The following IGF2BP3 variants were observed in gnomAD, a reference collection of about 807,000 sequenced individuals.
IGF2BP3 encodes insulin-like growth factor 2 mRNA-binding protein 3.
A neutral mutation model predicts 73.8 loss-of-function variants in IGF2BP3; 9 were observed. The ratio of observed to expected loss-of-function variants is 0.12; its 90% CI spans 0.07 to 0.21. The LOEUF (loss-of-function observed/expected upper bound fraction) is 0.21, where lower values mean the gene tolerates loss of function less well. IGF2BP3 is among the 10% of genes least tolerant of loss of function. IGF2BP3 has a pLI of 1.00. For synonymous variants in IGF2BP3, 258 were observed against 256.7 expected (o/e 1.01, Z -0.05); for missense variants, 542 against 714.0 (o/e 0.76, Z 2.75).
chr7:23,427,501 T>A (rs938556660), intron 2 of IGF2BP3, among the ~76,000 whole-genome samples: 1 of 152,126 alleles, frequency 6.6e-6, no homozygotes. Flanking sequence ...ATCCCAGCAC[T>A]TTGGGAGACC....
intron 2 of IGF2BP3, among the ~76,000 whole-genome samples, chr7:23,436,698 C>T (rs1174673023): frequency 2.6e-5 from 4 of 152,126 alleles, no homozygotes; most frequent in African/African-American, 9.7e-5. Context: ...ATTAGTATTT[C>T]CTATACCACA....
At chr7:23,314,622 A>C (rs911051021) in intron 12 of IGF2BP3, among the ~76,000 whole-genome samples, 1 of 151,980 alleles carries the variant, frequency 6.6e-6, no homozygotes, top group Non-Finnish European at 1.5e-5. Context: ...TTTTTTGAGC[A>C]AAAGAGACAG....
intron 8 of IGF2BP3, among the ~76,000 whole-genome samples, chr7:23,344,384 T>C (rs1286798339): frequency 6.6e-6 from 1 of 152,226 alleles, no homozygotes; most frequent in East Asian, 1.9e-4. Flanking sequence ...CTAAACTTAG[T>C]TTTTACCAGT....
chr7:23,404,174 C>T (rs1165429803), intron 3 of IGF2BP3, among the ~76,000 whole-genome samples: 1 of 151,368 alleles, frequency 6.6e-6, no homozygotes, highest in Non-Finnish European at 1.5e-5. Flanking sequence ...TCGCATATTG[C>T]TCTGCTCATA....
intron 3 of IGF2BP3, among the ~76,000 whole-genome samples, chr7:23,398,587 T>C (rs1009482373): frequency 6.6e-5 from 10 of 152,252 alleles, no homozygotes; most frequent in African/African-American, 2.4e-4. Flanking sequence ...GCTTCCTGAC[T>C]TTTTAATGAT....
At position 23,342,077 on chromosome 7, in the gene IGF2BP3, T is replaced by C; in HGVS notation, c.1190A>G (p.Tyr397Cys). 6.3e-7 allele frequency: 1 copy of C among 1,581,662 alleles called. No individual in the cohort carries two copies. The highest frequency in any genetic ancestry group is 8.6e-7 in the Non-Finnish European group (1 of 1,169,482). Reference protein sequence around the residue: ...SGPPSAMTPPYPQFEQSETET... With the variant: ...SGPPSAMTPPCPQFEQSETET... ...CAGTTATCTTACCTCAAACTGCGGG[T>C]AGGGAGGAGTCATGGCTGAAGGGGG... is the stretch of plus-strand genomic sequence containing the variant. The change falls in exon 10 of 15, where the codon TAC (tyrosine) becomes TGC (cysteine). Residue 397 changes from tyrosine to cysteine, a missense_variant. By Grantham distance (194) the Tyr-to-Cys change is radical (BLOSUM62 -2). Coordinates refer to ENST00000258729, the MANE Select transcript of IGF2BP3 (RefSeq NM_006547.3).
intron 3 of IGF2BP3, among the ~76,000 whole-genome samples, chr7:23,411,251 A>G (rs927197125): frequency 1.3e-5 from 2 of 152,176 alleles, no homozygotes; most frequent in Admixed American, 6.5e-5. Context: ...GAGTTAAAGC[A>G]CCTCATGGTG....
intron 2 of IGF2BP3, among the ~76,000 whole-genome samples, chr7:23,444,440 C>T (rs1788007570): frequency 1.3e-5 from 2 of 152,008 alleles, no homozygotes; most frequent in Admixed American, 1.3e-4. Context: ...TTCCAAAGAA[C>T]CTTTAAAATT....
At chr7:23,383,453 G>A (rs1390163216) in intron 3 of IGF2BP3, among the ~76,000 whole-genome samples, 1 of 152,152 alleles carries the variant, frequency 6.6e-6, no homozygotes, top group Non-Finnish European at 1.5e-5. Flanking sequence ...ACACCCAGTA[G>A]GCTATAATCA....
rs375934971 is a variant in IGF2BP3 at position 23,321,362 on chromosome 7, G to A, written c.1204-2108C>T. ...TCCCACATGAATACTGCGCTTTTCC[G>A]ACGGGCTTAAAAAACGGCACACCAG... is the stretch of plus-strand genomic sequence containing the variant. On this transcript the variant is annotated intron_variant, in intron 10 of 14. Transcript: ENST00000258729. 2.3e-4 allele frequency among the ~76,000 whole-genome samples: 35 copies of A among 152,146 alleles called. 1 individual carries two copies. The highest frequency in any genetic ancestry group is 4.1e-4 in the South Asian group (2 of 4,822).
At chr7:23,449,807 T>C (rs887367390) in intron 2 of IGF2BP3, among the ~76,000 whole-genome samples, 1 of 151,980 alleles carries the variant, frequency 6.6e-6, no homozygotes, top group African/African-American at 2.4e-5. Context: ...AAGTGATCCA[T>C]GTGGCTACCT....
chr7:23,407,583 G>C (rs540514748), intron 3 of IGF2BP3, among the ~76,000 whole-genome samples: 175 of 148,752 alleles, frequency 1.2e-3, no homozygotes, highest in African/African-American at 4.2e-3. Flanking sequence ...ACTCCGGCCT[G>C]GGCAACAAAA....
intron 11 of IGF2BP3, 49 bp from the exon 12 acceptor site, chr7:23,317,762 A>G (rs1784031262): frequency 6.7e-7 from 1 of 1,495,448 alleles, no homozygotes; most frequent in Non-Finnish European, 9.3e-7. Context: ...TATCACTGAT[A>G]GGCATCTTGG....
At chr7:23,363,219 G>C (rs747007187) in intron 3 of IGF2BP3, among the ~76,000 whole-genome samples, 39 of 152,266 alleles carry the variant, frequency 2.6e-4, no homozygotes, top group Middle Eastern at 3.4e-3. Context: ...TTTCCAGTTT[G>C]AAACATATAA....
Position 23,388,607 on chromosome 7 carries a change from C to CTTT in IGF2BP3, c.286-26869_286-26867dup, listed in dbSNP as rs35723715. 2.3e-4 allele frequency among the ~76,000 whole-genome samples: 29 copies of CTTT among 124,014 alleles called. 1 individual carries two copies. The highest frequency in any genetic ancestry group is 1.7e-3 in the East Asian group (7 of 4,084). The allele number at this position is 124,014 out of a possible 152,430, so 81.4% of individuals were successfully genotyped here. ...TATGCAGATGAGTGGTCTTCTCCATCTTTTTTTTTTTTTTTTTTTTTCCAG... is the reference window on the plus strand; with the variant it reads ...TATGCAGATGAGTGGTCTTCTCCATCTTTTTTTTTTTTTTTTTTTTTTTTCCAG... On this transcript the variant is annotated intron_variant, in intron 3 of 14. Coordinates refer to ENST00000258729, the MANE Select transcript of IGF2BP3 (RefSeq NM_006547.3).
intron 2 of IGF2BP3, among the ~76,000 whole-genome samples, chr7:23,430,304 C>T (rs985709541): frequency 2.6e-5 from 4 of 152,158 alleles, no homozygotes; most frequent in Non-Finnish European, 5.9e-5. Flanking sequence ...AGGCTGGTCT[C>T]GAACTCCTGA....
At chr7:23,327,172 A>G (rs1231498515) in intron 10 of IGF2BP3, among the ~76,000 whole-genome samples, 2 of 152,108 alleles carry the variant, frequency 1.3e-5, no homozygotes, top group Non-Finnish European at 2.9e-5. Flanking sequence ...CTTGAATCTT[A>G]GATTCCTATT....
chr7:23,385,919 T>G (rs925944292), intron 3 of IGF2BP3, among the ~76,000 whole-genome samples: 2 of 152,170 alleles, frequency 1.3e-5, no homozygotes, highest in Admixed American at 1.3e-4. Context: ...ACTAAGATAT[T>G]TGAACAGACT....
At chr7:23,382,127 T>C (rs1056093158) in intron 3 of IGF2BP3, among the ~76,000 whole-genome samples, 4 of 152,084 alleles carry the variant, frequency 2.6e-5, no homozygotes, top group African/African-American at 7.2e-5. Flanking sequence ...ACCCCTGTGG[T>C]CCCAGCTATT....
Sources: gnomAD v4.1 joint callset for allele counts (sites outside exome capture counted in the v4.1 genomes callset) on GRCh38, gnomAD v4.1.1 for gene constraint, MANE v1.5 for transcripts, NCBI Gene and HGNC (gene_info 2026-07-23, HGNC 2026-07-21) for gene names.